Variants in MALRD1 observed in about 807,000 individuals in gnomAD.
MALRD1 encodes the protein MAM and LDL receptor class A domain containing 1.
A neutral mutation model predicts 242.1 loss-of-function variants in MALRD1; 247 were observed. The observed-to-expected ratio is 1.02, with a 90% CI of 0.92 to 1.13. MALRD1 has a LOEUF of 1.13. Among genes scored for constraint, MALRD1 ranks in the 50% most tolerant of loss-of-function variants. The probability of loss-of-function intolerance (pLI) is 0.00; values close to 1 mark genes in which losing one functional copy is unlikely to be tolerated. For missense variants in MALRD1, 2,989 were observed against 2,533.1 expected (o/e 1.18, Z -3.86); for synonymous variants, 995 against 866.6 (o/e 1.15, Z -2.60).
intron 18 of MALRD1, among the ~76,000 whole-genome samples, chr10:19,228,980 TG>T (rs11298978): frequency 0.62 from 93,421 of 151,198 alleles, 29,053 homozygotes; most frequent in South Asian, 0.78. Context: ...GGAATGCATG[TG>T]GTGTGTGTGT....
intron 26 of MALRD1, among the ~76,000 whole-genome samples, chr10:19,365,090 T>C (rs1415545364): frequency 6.6e-6 from 1 of 152,158 alleles, no homozygotes; most frequent in East Asian, 1.9e-4. Context: ...TAAAATTTTG[T>C]GTCAAACCAT....
chr10:19,121,599 A>AT (rs1837067614), intron 5 of MALRD1, among the ~76,000 whole-genome samples: 1 of 142,262 alleles, frequency 7.0e-6, no homozygotes, highest in Non-Finnish European at 1.5e-5. Context: ...GTAGAGAAAG[A>AT]GAACACATCG....
At chr10:19,391,821 G>C (rs1237432288) in intron 28 of MALRD1, among the ~76,000 whole-genome samples, 1 of 152,194 alleles carries the variant, frequency 6.6e-6, no homozygotes, top group Non-Finnish European at 1.5e-5. Flanking sequence ...GCAAGGCACT[G>C]AAGTTTTAGG....
At chr10:19,201,358 T>C (rs1588689875) in intron 14 of MALRD1, among the ~76,000 whole-genome samples, 1 of 152,322 alleles carries the variant, frequency 6.6e-6, no homozygotes, top group East Asian at 1.9e-4. Context: ...TGAAGAGTCT[T>C]ATCTAAGAGG....
chr10:19,483,759 A>T (rs1428630706), intron 29 of MALRD1, among the ~76,000 whole-genome samples: 3 of 152,180 alleles, frequency 2.0e-5, no homozygotes, highest in African/African-American at 7.2e-5. Flanking sequence ...CAACTCAGCA[A>T]TCCCATTACT....
At chr10:19,490,803 A>G (rs944022425) in intron 29 of MALRD1, among the ~76,000 whole-genome samples, 3 of 152,180 alleles carry the variant, frequency 2.0e-5, no homozygotes, top group Non-Finnish European at 2.9e-5. Flanking sequence ...CTATTTTTTT[A>G]TACGAGGATG....
intron 19 of MALRD1, among the ~76,000 whole-genome samples, chr10:19,266,844 G>A (rs746409801): frequency 3.3e-5 from 5 of 151,846 alleles, no homozygotes; most frequent in Non-Finnish European, 7.4e-5. Flanking sequence ...AGGAGACCGC[G>A]GTGAGGAATG....
At chr10:19,599,692 G>A (rs548731065) in intron 34 of MALRD1, among the ~76,000 whole-genome samples, 87 of 152,236 alleles carry the variant, frequency 5.7e-4, no homozygotes, top group African/African-American at 2.0e-3. Context: ...GCATAGCAAA[G>A]CCATAAGGGA....
intron 31 of MALRD1, among the ~76,000 whole-genome samples, chr10:19,528,583 C>T (rs1300244137): frequency 6.6e-6 from 1 of 152,086 alleles, no homozygotes; most frequent in Non-Finnish European, 1.5e-5. Context: ...CAGAGCAAGA[C>T]TCCGTCTCTA....
At chr10:19,149,155 G>C (rs965610524) in intron 11 of MALRD1, among the ~76,000 whole-genome samples, 1 of 151,260 alleles carries the variant, frequency 6.6e-6, no homozygotes, top group Non-Finnish European at 1.5e-5. Flanking sequence ...TCACTTAGTT[G>C]CTCAGGCTGG....
intron 29 of MALRD1, 95 bp downstream of exon 29, chr10:19,450,585 A>G: frequency 1.8e-6 from 2 of 1,084,708 alleles, no homozygotes; most frequent in Non-Finnish European, 2.6e-6. Context: ...ACTGTTATGT[A>G]TTTTGTACAC....
intron 21 of MALRD1, among the ~76,000 whole-genome samples, chr10:19,306,714 C>T (rs1426822140): frequency 6.6e-6 from 1 of 151,286 alleles, no homozygotes; most frequent in East Asian, 2.0e-4. Context: ...AATTGACTCA[C>T]AGTTCAGCAT....
At chr10:19,723,265 T>G (rs1415702559) in intron 38 of MALRD1, among the ~76,000 whole-genome samples, 1 of 152,210 alleles carries the variant, frequency 6.6e-6, no homozygotes, top group East Asian at 1.9e-4. Context: ...ATTAACATCA[T>G]TTGACAGCTG....
chr10:19,642,296 A>C (rs1164079271), intron 36 of MALRD1, among the ~76,000 whole-genome samples: 1 of 152,170 alleles, frequency 6.6e-6, no homozygotes, highest in Non-Finnish European at 1.5e-5. Flanking sequence ...GAATTAGCAA[A>C]TGGGTAATTT....
intron 32 of MALRD1, among the ~76,000 whole-genome samples, chr10:19,539,273 A>G (rs1028729823): frequency 1.3e-5 from 2 of 152,132 alleles, no homozygotes; most frequent in Non-Finnish European, 2.9e-5. Flanking sequence ...AGCTTCAGGA[A>G]TTTGTCCAAG....
intron 1 of MALRD1, among the ~76,000 whole-genome samples, chr10:19,053,954 A>G (rs144018718): frequency 3.4e-4 from 52 of 152,306 alleles, no homozygotes; most frequent in African/African-American, 1.2e-3. Flanking sequence ...CCATTTTCAC[A>G]TGATATTAAG....
chr10:19,196,141 C>G (rs779465253), intron 14 of MALRD1, among the ~76,000 whole-genome samples: 12 of 152,082 alleles, frequency 7.9e-5, no homozygotes, highest in Non-Finnish European at 1.6e-4. Flanking sequence ...AGCATTACTC[C>G]TGAAAGTTCT....
intron 32 of MALRD1, among the ~76,000 whole-genome samples, chr10:19,562,952 G>T (rs1433158264): frequency 6.6e-6 from 1 of 152,098 alleles, no homozygotes; most frequent in South Asian, 2.1e-4. Context: ...TCCATGAAAG[G>T]GTCCCTGGTG....
chr10:19,214,739 C>G (rs1588707879), intron 18 of MALRD1, among the ~76,000 whole-genome samples: 3 of 152,124 alleles, frequency 2.0e-5, no homozygotes, highest in Non-Finnish European at 4.4e-5. Flanking sequence ...GGTGCCCTTT[C>G]CACACTTGTT....
Sources: allele counts gnomAD v4.1 joint callset (sites outside exome capture counted in the v4.1 genomes callset), GRCh38; gene constraint gnomAD v4.1.1; transcripts MANE v1.5; gene names NCBI Gene and HGNC (gene_info 2026-07-23, HGNC 2026-07-21).